KCNIP4: variants seen among roughly 807,000 people sequenced by gnomAD.
The protein encoded by KCNIP4 is potassium voltage-gated channel interacting protein 4, also known as Kv channel-interacting protein 4.
A neutral mutation model predicts 34.0 loss-of-function variants in KCNIP4; 12 were observed. The ratio of observed to expected loss-of-function variants is 0.35; its 90% CI spans 0.23 to 0.57. The LOEUF (loss-of-function observed/expected upper bound fraction) is 0.57. Ranked by LOEUF, KCNIP4 falls within the 20% of genes least tolerant of loss-of-function variation. The pLI is 0.83. For synonymous variants in KCNIP4, 124 were observed against 102.2 expected (o/e 1.21, Z -1.29); for missense variants, 238 against 311.7 (o/e 0.76, Z 1.78).
chr4:21,653,687 A>G (rs1295635913), intron 1 of KCNIP4, among the ~76,000 whole-genome samples: 1 of 152,220 alleles, frequency 6.6e-6, no homozygotes, highest in African/African-American at 2.4e-5. Flanking sequence ...GGGGCTGTGC[A>G]TAGCACTTTA....
chr4:20,831,683 T>C (rs1718443976), intron 3 of KCNIP4, among the ~76,000 whole-genome samples: 1 of 152,234 alleles, frequency 6.6e-6, no homozygotes, highest in African/African-American at 2.4e-5. Flanking sequence ...TTAATGATAA[T>C]ACAAAGTATA....
At chr4:21,655,761 A>G (rs1489569228) in intron 1 of KCNIP4, among the ~76,000 whole-genome samples, 1 of 152,240 alleles carries the variant, frequency 6.6e-6, no homozygotes. Context: ...GAATGAGCAT[A>G]TAACACAGAG....
At chr4:21,510,316 A>G (rs1187040479) in intron 1 of KCNIP4, among the ~76,000 whole-genome samples, 1 of 152,152 alleles carries the variant, frequency 6.6e-6, no homozygotes, top group East Asian at 1.9e-4. Context: ...ATGCACTTCA[A>G]AGATAAGCAA....
At position 21,848,345 on chromosome 4, in the gene KCNIP4, CA is replaced by C. The variant is rs1724155538; in HGVS notation, c.61+100225del. Reference sequence around the variant, plus strand: ...CAGAACACACAGCTTCATAATCAGGCAGTGCTGAGGTCAAATTCTGGCTCCG... The same window carrying C: ...CAGAACACACAGCTTCATAATCAGGCGTGCTGAGGTCAAATTCTGGCTCCG... On this transcript the variant is annotated intron_variant, in intron 1 of 8. Coordinates refer to ENST00000382152, the MANE Select transcript of KCNIP4 (RefSeq NM_025221.6). 4.6e-5 allele frequency: 7 copies of C among 152,272 alleles called. No individual in the cohort carries two copies. The South Asian group carries it at 1.5e-3, about 32-fold the overall frequency. The allele number at this position is 152,272 out of a possible 1,614,324, so 9.4% of individuals were successfully genotyped here.
At chr4:21,018,291 T>C (rs1366806828) in intron 1 of KCNIP4, among the ~76,000 whole-genome samples, 1 of 152,190 alleles carries the variant, frequency 6.6e-6, no homozygotes, top group Non-Finnish European at 1.5e-5. Context: ...TGAATAGATA[T>C]ACTTGCTGCT....
intron 1 of KCNIP4, among the ~76,000 whole-genome samples, chr4:21,480,807 C>T (rs1044301816): frequency 6.6e-6 from 1 of 152,034 alleles, no homozygotes; most frequent in Non-Finnish European, 1.5e-5. Context: ...CATAAATATT[C>T]CTGGTGCAGG....
At chr4:21,345,889 C>G (rs1717259978) in intron 1 of KCNIP4, among the ~76,000 whole-genome samples, 1 of 150,618 alleles carries the variant, frequency 6.6e-6, no homozygotes, top group Non-Finnish European at 1.5e-5. Flanking sequence ...GCTAAAATGG[C>G]CTGTGTTGAG....
chr4:21,215,208 A>T (rs1409186519), intron 1 of KCNIP4, among the ~76,000 whole-genome samples: 2 of 152,202 alleles, frequency 1.3e-5, no homozygotes, highest in Non-Finnish European at 2.9e-5. Flanking sequence ...AGTCGTTTAA[A>T]AGGATCTGAT....
intron 1 of KCNIP4, among the ~76,000 whole-genome samples, chr4:21,153,820 G>C (rs1488990623): frequency 6.6e-6 from 1 of 151,864 alleles, no homozygotes; most frequent in Admixed American, 6.6e-5. Context: ...AAAGCCAAAG[G>C]TACAAAATCA....
intron 3 of KCNIP4, among the ~76,000 whole-genome samples, chr4:20,832,628 T>C (rs1252600311): frequency 6.8e-6 from 1 of 147,610 alleles, no homozygotes; most frequent in Non-Finnish European, 1.5e-5. Flanking sequence ...AAATAGAAAT[T>C]AGGTTGAATA....
rs140675226 is a variant in KCNIP4, at chr4:21,178,884, C to A, written c.62-296175G>T. On this transcript the variant is annotated intron_variant, in intron 1 of 8. Transcript: ENST00000382152. ...CAGGTTGCAGTGCAAGTGGCATGAT[C>A]TCAGCTCACTGCAGCCTTGACCTCC... 1.3e-3 allele frequency among the ~76,000 whole-genome samples: 190 copies of A among 147,190 alleles called. 1 individual carries two copies. Among genetic ancestry groups the A allele is most frequent in the African/African-American group, 4.5e-3 (177 of 39,646 alleles).
intron 1 of KCNIP4, among the ~76,000 whole-genome samples, chr4:21,361,053 TCA>T (rs1719171564): frequency 6.6e-6 from 1 of 152,122 alleles, no homozygotes; most frequent in South Asian, 2.1e-4. Flanking sequence ...ATCATCATCA[TCA>T]TTTAATTTAA....
intron 1 of KCNIP4, among the ~76,000 whole-genome samples, chr4:20,961,088 A>T (rs1022796320): frequency 2.6e-5 from 4 of 152,202 alleles, no homozygotes; most frequent in African/African-American, 9.6e-5. Flanking sequence ...TTCATAATTA[A>T]ATATGAATTT....
chr4:21,384,775 G>A (rs573807176), intron 1 of KCNIP4, among the ~76,000 whole-genome samples: 1 of 152,256 alleles, frequency 6.6e-6, no homozygotes, highest in African/African-American at 2.4e-5. Context: ...GACAACACTG[G>A]CCACATCTAC....
chr4:21,370,063 G>A (rs556331135), intron 1 of KCNIP4, among the ~76,000 whole-genome samples: 6 of 147,422 alleles, frequency 4.1e-5, no homozygotes, highest in East Asian at 2.0e-4. Context: ...TCCTGACCTC[G>A]TGATCCTCCC....
At chr4:21,583,174 CAA>C (rs1226133630) in intron 1 of KCNIP4, among the ~76,000 whole-genome samples, 6 of 151,850 alleles carry the variant, frequency 4.0e-5, no homozygotes, top group Non-Finnish European at 7.4e-5. Flanking sequence ...ATGGATTTTA[CAA>C]ATTAAGCATT....
chr4:21,488,214 C>T (rs1429397024), intron 1 of KCNIP4, among the ~76,000 whole-genome samples: 1 of 152,094 alleles, frequency 6.6e-6, no homozygotes, highest in Non-Finnish European at 1.5e-5. Flanking sequence ...TAATCCATTA[C>T]CACACAGATC....
chr4:21,601,395 A>G (rs973415335), intron 1 of KCNIP4, among the ~76,000 whole-genome samples: 1 of 151,984 alleles, frequency 6.6e-6, no homozygotes, highest in Admixed American at 6.6e-5. Context: ...TCCAGCTATA[A>G]TAAGTACTTA....
chr4:21,301,001 A>C (rs1170671168), intron 1 of KCNIP4, among the ~76,000 whole-genome samples: 1 of 152,116 alleles, frequency 6.6e-6, no homozygotes, highest in Non-Finnish European at 1.5e-5. Context: ...TGCTCCAACT[A>C]CTATTTTATA....
Sources: gnomAD v4.1 joint callset for allele counts (sites outside exome capture counted in the v4.1 genomes callset) on GRCh38, gnomAD v4.1.1 for gene constraint, MANE v1.5 for transcripts, NCBI Gene and HGNC (gene_info 2026-07-23, HGNC 2026-07-21) for gene names.